The following HBP1 variants were observed in gnomAD, a reference collection of about 807,000 sequenced individuals.
The protein encoded by HBP1 is HMG-box transcription factor 1, also known as HMG box-containing protein 1.
HBP1 carries 20 observed loss-of-function variants against 62.6 expected under a neutral mutation model. The observed-to-expected ratio is 0.32, with a 90% confidence interval of 0.22 to 0.46. HBP1 has a LOEUF of 0.46. Among genes scored for constraint, HBP1 ranks in the 20% least tolerant of loss-of-function variants. HBP1 has a pLI of 1.00. For synonymous variants in HBP1, 232 were observed against 206.2 expected, an observed-to-expected ratio of 1.12 and a Z score of -1.07; for missense variants, 480 against 611.8, an observed-to-expected ratio of 0.78 and a Z score of 2.27.
chr7:107,190,097 A>G, intron 7 of HBP1, 76 bp from the exon 8 acceptor site: 1 of 1,029,364 alleles, frequency 9.7e-7, no homozygotes, highest in Non-Finnish European at 1.4e-6. Context: ...TTTAAGATAT[A>G]GAAATGATAT....
intron 6 of HBP1, 78 bp downstream of exon 6, chr7:107,186,759 C>A: frequency 1.2e-6 from 1 of 801,890 alleles, no homozygotes; most frequent in Non-Finnish European, 2.1e-6. Context: ...ACAGAAATAT[C>A]CTCCATTCAC....
chr7:107,178,770 T>C (rs1381482396), intron 1 of HBP1, among the ~76,000 whole-genome samples: 1 of 152,216 alleles, frequency 6.6e-6, no homozygotes, highest in African/African-American at 2.4e-5. Context: ...CGGTGGCTCA[T>C]GCCTGTAATC....
At chr7:107,200,121 A>C in intron 9 of HBP1, 39 bp from the exon 10 acceptor site, 1 of 1,460,794 alleles carries the variant, frequency 6.8e-7, no homozygotes, top group Non-Finnish European at 9.1e-7. Context: ...TTTATGAAAA[A>C]TGTGTGCTTT....
chr7:107,181,584 A>G (rs1172466571), intron 2 of HBP1, among the ~76,000 whole-genome samples: 2 of 151,866 alleles, frequency 1.3e-5, no homozygotes, highest in African/African-American at 2.4e-5. Flanking sequence ...TTAGGAGACT[A>G]GAAATTTTCT....
In HBP1 at chr7:107,202,436, A is replaced by C. The variant is rs947378063; in HGVS notation, c.*1005A>C. 1 of 152,638 alleles carries C rather than the reference A, an allele frequency of 6.6e-6. No individual in the cohort carries two copies. The highest frequency in any genetic ancestry group is 2.4e-5 in the African/African-American group (1 of 41,446). 9.5% of individuals were successfully genotyped at this position (152,638 alleles called of 1,614,324 possible). On this transcript the variant is annotated 3_prime_UTR_variant, in exon 11 of 11. Transcript: ENST00000222574. ...ACAGCTGTAAAATTGATTTCAGTTCATCACACTTCTTCATGATGTTGCCCC... is the reference window on the plus strand; with the variant it reads ...ACAGCTGTAAAATTGATTTCAGTTCCTCACACTTCTTCATGATGTTGCCCC...
chr7:107,170,197 A>T (rs889648018), intron 1 of HBP1: 1 of 928,638 alleles, frequency 1.1e-6, no homozygotes, highest in Non-Finnish European at 1.3e-6. Context: ...GGACGAGAGG[A>T]GGCTTAGAAA....
chr7:107,186,156 CTTTTTTTTTCT>C (rs1672261949), intron 4 of HBP1, among the ~76,000 whole-genome samples, 194 bp from the exon 5 acceptor site: 2 of 127,274 alleles, frequency 1.6e-5, no homozygotes, highest in Non-Finnish European at 3.3e-5. Context: ...TCTTTTTTTT[CTTTTTTTTTCT>C]TTTTTTTTTT....
chr7:107,182,108 T>C (rs1273669676), intron 2 of HBP1, among the ~76,000 whole-genome samples: 1 of 152,180 alleles, frequency 6.6e-6, no homozygotes, highest in Non-Finnish European at 1.5e-5. Flanking sequence ...AAATGCCTTT[T>C]TCTTCATTAA....
chr7:107,201,643 A>G lies in HBP1; in HGVS notation c.*212A>G, dbSNP rs191952814. On this transcript the variant is annotated 3_prime_UTR_variant, in exon 11 of 11. Coordinates refer to ENST00000222574, the MANE Select transcript of HBP1 (RefSeq NM_012257.4). Reference sequence around the variant, plus strand: ...TAAAACTATCAACATTTTAAACCAAATTGCCTTATTTTTCTTCCAAACTTC... The same window carrying G: ...TAAAACTATCAACATTTTAAACCAAGTTGCCTTATTTTTCTTCCAAACTTC... The G allele has an allele frequency of 6.8e-4, 287 of 420,408 alleles. 1 individual carries two copies. Among genetic ancestry groups the G allele is most frequent in the South Asian group, 1.0e-3 (15 of 14,404 alleles). 26.0% of individuals were successfully genotyped at this position (420,408 alleles called of 1,614,324 possible).
At chr7:107,196,252 A>T in intron 9 of HBP1, 101 bp downstream of exon 9, 1 of 798,194 alleles carries the variant, frequency 1.3e-6, no homozygotes, top group Non-Finnish European at 2.1e-6. Flanking sequence ...AATAGCTTTT[A>T]TTCAACTCTT....
chr7:107,185,498 C>T (rs1347718603), intron 3 of HBP1, among the ~76,000 whole-genome samples: 3 of 151,800 alleles, frequency 2.0e-5, no homozygotes, highest in Non-Finnish European at 4.4e-5. Flanking sequence ...CATTCACAAA[C>T]GAAATATACA....
intron 3 of HBP1, 23 bp downstream of exon 3, chr7:107,182,624 T>A (rs774857240): frequency 5.6e-6 from 7 of 1,247,842 alleles, no homozygotes; most frequent in Non-Finnish European, 8.1e-6. Context: ...ATTATATTTT[T>A]ATTGAAACAT....
At chr7:107,186,774 A>G in intron 6 of HBP1, 93 bp downstream of exon 6, 2 of 738,522 alleles carry the variant, frequency 2.7e-6, no homozygotes, top group Admixed American at 4.7e-5. Context: ...ATTCACTTTG[A>G]TATTTAAATG....
rs768865652 is a variant in HBP1 at position 107,185,857 on chromosome 7, C to T, written c.455C>T (p.Pro152Leu). Residue 152 changes from proline (P) to leucine (L), a missense_variant, in exon 4 of 11, where the codon CCT (proline) becomes CTT (leucine). Pro to Leu is a moderately conservative substitution (Grantham distance 98, BLOSUM62 -3). Coordinates refer to ENST00000222574, the MANE Select transcript of HBP1 (RefSeq NM_012257.4). Reference protein sequence around the residue: ...TSKSLHSYARPPPVSSSSKSE... With the variant: ...TSKSLHSYARLPPVSSSSKSE... ...AAAAGTTTACATTCCTATGCACGCC[C>T]TCCACCAGTGTCCTCTTCTTCGAAG... The T allele has an allele frequency of 3.1e-6, 5 of 1,612,546 alleles. No individual in the cohort carries two copies. Among genetic ancestry groups the T allele is most frequent in the Non-Finnish European group, 4.2e-6 (5 of 1,178,534 alleles).
rs1797334125 is a variant in HBP1 at position 107,185,907 on chromosome 7, C to T, written c.505C>T (p.His169Tyr). 6.2e-7 allele frequency: 1 copy of T among 1,611,730 alleles called. No homozygotes were observed. The highest frequency in any genetic ancestry group is 8.5e-7 in the Non-Finnish European group (1 of 1,177,926). Residue 169 changes from histidine (H) to tyrosine (Y), a missense_variant, in exon 4 of 11, where the codon CAT becomes TAT. Physicochemically the swap from His to Tyr is moderately conservative, Grantham distance 83. This residue lies in a region of HBP1 where 304 missense variants were observed against 330.9 expected (regional missense o/e 0.92). Transcript: ENST00000222574. ...GAGTGAACCAGCCTTCCCTCATCAC[C>T]ATTGGAAGGAGGAAACACCAGTAAG... The part of the protein sequence containing the change: ...SKSEPAFPHH[H>Y]WKEETPVRHE...
intron 8 of HBP1, among the ~76,000 whole-genome samples, chr7:107,191,329 C>T (rs945938503): frequency 2.0e-5 from 3 of 151,954 alleles, no homozygotes; most frequent in Admixed American, 1.3e-4. Context: ...TTTTGAAAAA[C>T]TAGAAAAATG....
rs773545725 is a variant in HBP1, at chr7:107,182,512, C to T, written c.309C>T (p.Tyr103=). ...CCTCAGACATACCAGAAACTACTTA[C>T]CGTGAAAATGAGGTGGACTGGCTAA... ...QNTSDIPETT[Y]RENEVDWLTE... The change falls in exon 3 of 11, where the codon TAC becomes TAT. Residue 103 remains tyrosine (Y), a synonymous_variant. Transcript: ENST00000222574. The T allele has an allele frequency of 1.9e-6, 3 of 1,613,528 alleles. No individual in the cohort carries two copies. Among genetic ancestry groups the T allele is most frequent in the Non-Finnish European group, 1.7e-6 (2 of 1,179,454 alleles).
At chr7:107,180,189 T>C in intron 2 of HBP1, 127 bp downstream of exon 2, 1 of 523,794 alleles carries the variant, frequency 1.9e-6, no homozygotes, top group Non-Finnish European at 3.4e-6. Context: ...TTAGGAATTT[T>C]CAGCATTCTT....
chr7:107,177,811 T>A (rs912759745), intron 1 of HBP1, among the ~76,000 whole-genome samples: 4 of 152,170 alleles, frequency 2.6e-5, no homozygotes, highest in African/African-American at 9.7e-5. Context: ...AATATCTAAG[T>A]CTGGTTGGTG....
Sources: allele counts gnomAD v4.1 joint callset (sites outside exome capture counted in the v4.1 genomes callset), GRCh38; gene constraint gnomAD v4.1.1; regional missense constraint gnomAD v4.1.1; transcripts MANE v1.5; gene names NCBI Gene and HGNC (gene_info 2026-07-23, HGNC 2026-07-21).